The following DPH1 variants were observed in gnomAD, a reference collection of about 807,000 sequenced individuals.
DPH1 encodes the protein diphthamide biosynthesis 1, also known as 2-(3-amino-3-carboxypropyl)histidine synthase subunit 1.
DPH1 carries 59 observed loss-of-function variants against 55.3 expected under a neutral mutation model. The ratio of observed to expected loss-of-function variants is 1.07; its 90% CI spans 0.87 to 1.33. The LOEUF is 1.33. DPH1 is among the 40% of genes most tolerant of loss of function. The pLI, the probability that DPH1 is intolerant of heterozygous loss-of-function variation, is 0.00. For missense variants in DPH1, 628 were observed against 584.8 expected (o/e 1.07, Z -0.76); for synonymous variants, 238 against 235.5 (o/e 1.01, Z -0.10).
chr17:2,032,274 G>C (rs1055109551), intron 1 of DPH1, among the ~76,000 whole-genome samples: 13 of 152,216 alleles, frequency 8.5e-5, no homozygotes, highest in African/African-American at 3.1e-4. Flanking sequence ...TAGGTTTTCC[G>C]CAGGGCTGTT....
At chr17:2,033,450 T>G (rs1384996260) in intron 1 of DPH1, 55 bp from the exon 2 acceptor site, 2 of 1,611,890 alleles carry the variant, frequency 1.2e-6, no homozygotes, top group Non-Finnish European at 1.7e-6. Context: ...CTATTCCATC[T>G]CAATCTGGCT....
rs1380563034 is a variant in DPH1, at chr17:2,041,199, G to C, written c.1086+18G>C. ...CCTATGAGGTAACACCAAGCTCTGG[G>C]AGAGAGTGGGCTTTGGACGTGGTTC... On this transcript the variant is annotated intron_variant, in intron 10 of 12. Coordinates refer to ENST00000263083, the MANE Select transcript of DPH1 (RefSeq NM_001383.6). 1.9e-6 allele frequency: 3 copies of C among 1,593,658 alleles called. No individual in the cohort carries two copies. Among genetic ancestry groups the C allele is most frequent in the Non-Finnish European group, 2.6e-6 (3 of 1,169,198 alleles).
Position 2,042,879 on chromosome 17 carries a change from C to T in DPH1, c.*293C>T, listed in dbSNP as rs756222604. On this transcript the variant is annotated 3_prime_UTR_variant, in exon 13 of 13. Transcript: ENST00000263083. The stretch of plus-strand genomic sequence containing the variant: ...TCCTCTTGGTGTCTGGTTTCTGTCC[C>T]CGGGGCATTGGGTTCAAGGAATCCA... The T allele has an allele frequency of 1.2e-6, 2 of 1,614,206 alleles. No individual in the cohort carries two copies. Among genetic ancestry groups the T allele is most frequent in the South Asian group, 2.2e-5 (2 of 91,092 alleles).
chr17:2,043,383 C>T lies in DPH1; in HGVS notation c.*797C>T. ...GAGGGTGACATGGGGAAGGCAGAGG[C>T]TGGCACCATGGTGACTGCCACATAA... On this transcript the variant is annotated 3_prime_UTR_variant, in exon 13 of 13. Transcript: ENST00000263083. 2.5e-6 allele frequency: 1 copy of T among 404,904 alleles called. No homozygotes were observed. Among genetic ancestry groups the T allele is most frequent in the Non-Finnish European group, 4.4e-6 (1 of 226,496 alleles). The allele number at this position is 404,904 out of a possible 1,614,324, so 25.1% of individuals were successfully genotyped here.
chr17:2,042,627 G>C lies in DPH1; in HGVS notation c.*41G>C. 1 of 1,519,838 alleles carries C rather than the reference G, an allele frequency of 6.6e-7. No homozygotes were observed. Among genetic ancestry groups the C allele is most frequent in the Non-Finnish European group, 8.8e-7 (1 of 1,136,856 alleles). 94.1% of individuals were successfully genotyped at this position (1,519,838 alleles called of 1,614,324 possible). On this transcript the variant is annotated 3_prime_UTR_variant, in exon 13 of 13. Transcript: ENST00000263083. ...TAGGGTCCTGCCCTCCGGAGGAGCAGCCTCGAGGCTGGTGGTTTTCAGAGC... is the reference window on the plus strand; with the variant it reads ...TAGGGTCCTGCCCTCCGGAGGAGCACCCTCGAGGCTGGTGGTTTTCAGAGC...
rs2067423497 is a variant in DPH1, at chr17:2,036,296, T to G, written c.400+205T>G. On this transcript the variant is annotated intron_variant, in intron 4 of 12. Coordinates refer to ENST00000263083, the MANE Select transcript of DPH1 (RefSeq NM_001383.6). This position sits in a 1 kb window ranked among gnomAD's most constrained non-coding sequence, Gnocchi z 4.8. Reference sequence around the variant, plus strand: ...CTTGGCAACGGTGCTCTGTCCCAGATGCAGGTGTTTGAAAGGCTGTTGGTT... The same window carrying G: ...CTTGGCAACGGTGCTCTGTCCCAGAGGCAGGTGTTTGAAAGGCTGTTGGTT... 1.8e-6 allele frequency: 2 copies of G among 1,112,200 alleles called. No homozygotes were observed. The highest frequency in any genetic ancestry group is 2.5e-6 in the Non-Finnish European group (2 of 803,864). 68.9% of individuals were successfully genotyped at this position (1,112,200 alleles called of 1,614,324 possible).
chr17:2,040,749 C>G (rs549724113), intron 9 of DPH1, 144 bp downstream of exon 9: 87 of 880,230 alleles, frequency 9.9e-5, no homozygotes, highest in Admixed American at 8.9e-4. Context: ...GGAGGGCTAA[C>G]TGGGTCATAC....
At chr17:2,030,121 C>T (rs1323646003), upstream of DPH1, 1 of 1,572,362 alleles carries the variant, frequency 6.4e-7, no homozygotes, top group Admixed American at 1.9e-5. Context: ...TCTGCGCTCT[C>T]CGCGTTCTTC....
intron 6 of DPH1, among the ~76,000 whole-genome samples, chr17:2,037,774 T>G (rs971311873): frequency 6.6e-6 from 1 of 152,196 alleles, no homozygotes; most frequent in Admixed American, 6.5e-5. Context: ...GCTGGGAAGC[T>G]ACTGTCAGGG....
rs754912345 is a variant in DPH1 at position 2,040,267 on chromosome 17, C to T, written c.799C>T (p.Arg267Cys). ...ATCCAGAGAACACTATGACCACCAGCGCATGCAGGCTGCTCGCCAAGAAGC... is the reference window on the plus strand; with the variant it reads ...ATCCAGAGAACACTATGACCACCAGTGCATGCAGGCTGCTCGCCAAGAAGC... Reference protein sequence around the residue: ...VLSREHYDHQRMQAARQEAIA... With the variant: ...VLSREHYDHQCMQAARQEAIA... The change falls in exon 8 of 13, where the codon CGC becomes TGC. Residue 267 changes from arginine (R) to cysteine (C), a missense_variant. Arg to Cys is a radical substitution (Grantham distance 180). Transcript: ENST00000263083. 22 of 1,613,942 alleles carry T rather than the reference C, an allele frequency of 1.4e-5. No individual in the cohort carries two copies. The East Asian group carries it at 2.9e-4, about 21-fold the overall frequency.
rs767195534 is a variant in DPH1, at chr17:2,042,868, G to T, written c.*282G>T. The stretch of plus-strand genomic sequence containing the variant: ...GCCACGGTTTATCCTCTTGGTGTCT[G>T]GTTTCTGTCCCCGGGGCATTGGGTT... On this transcript the variant is annotated 3_prime_UTR_variant, in exon 13 of 13. Coordinates refer to ENST00000263083, the MANE Select transcript of DPH1 (RefSeq NM_001383.6). The T allele has an allele frequency of 4.3e-6, 7 of 1,614,062 alleles. No homozygotes were observed. The highest frequency in any genetic ancestry group is 4.2e-6 in the Non-Finnish European group (5 of 1,180,044).
chr17:2,038,165 A>G (rs991778977), intron 6 of DPH1, among the ~76,000 whole-genome samples: 10 of 117,232 alleles, frequency 8.5e-5, no homozygotes, highest in Admixed American at 1.8e-4. Context: ...AAAAAAAAAA[A>G]AAAAAAAAGA....
intron 12 of DPH1, chr17:2,042,285 C>G (rs2067551551): frequency 7.1e-7 from 1 of 1,398,666 alleles, no homozygotes; most frequent in African/African-American, 1.5e-5. Flanking sequence ...CTTGTTTCGT[C>G]CCCCTCGACA....
intron 3 of DPH1, 58 bp downstream of exon 3, chr17:2,033,900 C>A: frequency 6.2e-7 from 1 of 1,600,690 alleles, no homozygotes; most frequent in South Asian, 1.1e-5. Context: ...CCCCTATGCT[C>A]ATTACCCGGG....
intron 1 of DPH1, 62 bp downstream of exon 1, chr17:2,030,292 G>T: frequency 6.6e-7 from 1 of 1,512,438 alleles, no homozygotes; most frequent in Non-Finnish European, 8.9e-7. Context: ...CCCAAGTTAG[G>T]GACAGGACCA....
At chr17:2,033,266 C>T (rs539228690) in intron 1 of DPH1, 25 of 599,290 alleles carry the variant, frequency 4.2e-5, no homozygotes, top group Non-Finnish European at 6.4e-5. Context: ...CCAGGCATCT[C>T]GTGACTCTGA....
chr17:2,033,707 C>G (rs765402647), intron 2 of DPH1, 50 bp downstream of exon 2: 1 of 1,613,696 alleles, frequency 6.2e-7, no homozygotes, highest in Admixed American at 1.7e-5. Flanking sequence ...GTTGCCTGGC[C>G]CAGATGGGAC....
rs1480455126 is a variant in DPH1 at position 2,036,042 on chromosome 17, G to A, written c.351G>A (p.Ala117=). ...YGACCVDDFT[A]RALGADFLVH... ...CTTGCTGTGTGGATGACTTCACAGCGAGGGCCCTGGGAGCTGACTTCTTGG... is the reference window on the plus strand; with the variant it reads ...CTTGCTGTGTGGATGACTTCACAGCAAGGGCCCTGGGAGCTGACTTCTTGG... Residue 117 remains alanine, a synonymous_variant, in exon 4 of 13, where the codon GCG becomes GCA. Coordinates refer to ENST00000263083, the MANE Select transcript of DPH1 (RefSeq NM_001383.6). This position sits in a 1 kb window ranked among gnomAD's most constrained non-coding sequence, Gnocchi z 4.8. The A allele has an allele frequency of 1.4e-5, 23 of 1,613,902 alleles. No homozygotes were observed. Among genetic ancestry groups the A allele is most frequent in the African/African-American group, 5.3e-5 (4 of 74,916 alleles).
rs577963114 is a variant in DPH1 at position 2,035,501 on chromosome 17, G to T, written c.279-469G>T. On this transcript the variant is annotated intron_variant, in intron 3 of 12. Coordinates refer to ENST00000263083, the MANE Select transcript of DPH1 (RefSeq NM_001383.6). ...GGGCCCTGCCTGTGGTGGGGAGGGG[G>T]TGGGGGCCCTGCCTGTGGTGGGGAG... Among the ~76,000 whole-genome samples, 3 of 136,506 alleles carry T rather than the reference G, an allele frequency of 2.2e-5. No individual in the cohort carries two copies. The South Asian group carries it at 7.2e-4, about 33-fold the overall frequency. The allele number at this position is 136,506 out of a possible 152,430, so 89.6% of individuals were successfully genotyped here. A position where few individuals can be genotyped will look rare whatever the true frequency, so the allele number is the denominator to read the frequency against.
Sources: allele counts gnomAD v4.1 joint callset (sites outside exome capture counted in the v4.1 genomes callset), GRCh38; gene constraint gnomAD v4.1.1; non-coding constraint Gnocchi (gnomAD v3.1); transcripts MANE v1.5; gene names NCBI Gene and HGNC (gene_info 2026-07-23, HGNC 2026-07-21).